The following ATF6 variants were observed in gnomAD, a reference collection of about 807,000 sequenced individuals.
The protein encoded by ATF6 is cyclic AMP-dependent transcription factor ATF-6 alpha.
A neutral mutation model predicts 83.6 loss-of-function variants in ATF6; 53 were observed. The ratio of observed to expected loss-of-function variants is 0.63; its 90% CI spans 0.51 to 0.80. ATF6 has a LOEUF of 0.80. Among genes scored for constraint, ATF6 ranks in the 30% least tolerant of loss-of-function variants. The pLI is 0.00. For synonymous variants in ATF6, 288 were observed against 285.8 expected, an observed-to-expected ratio of 1.01 and a Z score of -0.08; for missense variants, 744 against 797.9, an observed-to-expected ratio of 0.93 and a Z score of 0.81.
intron 15 of ATF6, among the ~76,000 whole-genome samples, chr1:161,930,461 C>T (rs1168812862): frequency 1.3e-5 from 2 of 152,122 alleles, no homozygotes; most frequent in Non-Finnish European, 2.9e-5. Flanking sequence ...TTGCATTTGT[C>T]ATAATGAATT....
At chr1:161,914,435 C>T (rs574432564) in intron 15 of ATF6, among the ~76,000 whole-genome samples, 2 of 152,340 alleles carry the variant, frequency 1.3e-5, no homozygotes, top group African/African-American at 4.8e-5. Flanking sequence ...ACTGACGACT[C>T]CTCCACTGCC....
intron 10 of ATF6, among the ~76,000 whole-genome samples, chr1:161,848,838 A>T (rs1476738237): frequency 6.6e-6 from 1 of 152,094 alleles, no homozygotes; most frequent in Non-Finnish European, 1.5e-5. Context: ...TTCCTGGGCT[A>T]ATGTTGGTCT....
intron 15 of ATF6, among the ~76,000 whole-genome samples, chr1:161,954,376 A>G (rs887774544): frequency 2.6e-5 from 4 of 152,136 alleles, no homozygotes; most frequent in Non-Finnish European, 5.9e-5. Context: ...TCAGGCACAT[A>G]TACAGCAGCA....
At chr1:161,829,159 C>T (rs1685979979) in intron 9 of ATF6, among the ~76,000 whole-genome samples, 1 of 146,576 alleles carries the variant, frequency 6.8e-6, no homozygotes, top group Non-Finnish European at 1.5e-5. Context: ...TACAAAGAGA[C>T]TTAGACTCCC....
At chr1:161,839,195 T>C (rs901760023) in intron 9 of ATF6, among the ~76,000 whole-genome samples, 5 of 152,154 alleles carry the variant, frequency 3.3e-5, no homozygotes, top group Admixed American at 2.0e-4. Context: ...ATACCTCTTA[T>C]GAACCAGGAA....
At chr1:161,828,950 G>A (rs1685973922) in intron 9 of ATF6, among the ~76,000 whole-genome samples, 2 of 152,140 alleles carry the variant, frequency 1.3e-5, no homozygotes, top group African/African-American at 2.4e-5. Context: ...GATCTACCAA[G>A]CAAATGGAAA....
chr1:161,869,007 T>C (rs908804685), intron 14 of ATF6, among the ~76,000 whole-genome samples: 1 of 152,100 alleles, frequency 6.6e-6, no homozygotes, highest in Non-Finnish European at 1.5e-5. Context: ...TTCTACTATT[T>C]GTACAGATTC....
intron 15 of ATF6, among the ~76,000 whole-genome samples, chr1:161,939,833 T>A (rs193078310): frequency 6.6e-6 from 1 of 152,328 alleles, no homozygotes; most frequent in East Asian, 1.9e-4. Flanking sequence ...GAAGAGAATT[T>A]AGGAAATATA....
At chr1:161,774,436 C>T (rs938010024) in intron 1 of ATF6, among the ~76,000 whole-genome samples, 6 of 147,356 alleles carry the variant, frequency 4.1e-5, no homozygotes, top group African/African-American at 7.3e-5. Flanking sequence ...CACACACACA[C>T]ATACACACAT....
intron 1 of ATF6, 55 bp from the exon 2 acceptor site, chr1:161,778,185 GTTTC>G (rs1684560775): frequency 7.6e-6 from 11 of 1,441,688 alleles, no homozygotes; most frequent in Non-Finnish European, 9.7e-6. Context: ...CACAGTGCTT[GTTTC>G]TTTGTCAAAT....
At chr1:161,835,532 TGTTTTGTATA>T (rs1253025040) in intron 9 of ATF6, among the ~76,000 whole-genome samples, 2 of 152,216 alleles carry the variant, frequency 1.3e-5, no homozygotes, top group Non-Finnish European at 2.9e-5. Flanking sequence ...TCCTATACAT[TGTTTTGTATA>T]GTTTTGTATT....
At chr1:161,832,228 A>G (rs138580510) in intron 9 of ATF6, among the ~76,000 whole-genome samples, 1 of 152,244 alleles carries the variant, frequency 6.6e-6, no homozygotes, top group Non-Finnish European at 1.5e-5. Context: ...ATCTGGAAAT[A>G]AAAATTTAAG....
At chr1:161,913,196 A>C (rs1479710261) in intron 15 of ATF6, among the ~76,000 whole-genome samples, 1 of 152,228 alleles carries the variant, frequency 6.6e-6, no homozygotes, top group Non-Finnish European at 1.5e-5. Context: ...TGTGTATCTC[A>C]CATAATGTAG....
chr1:161,912,503 G>T, intron 15 of ATF6, 123 bp downstream of exon 15: 1 of 495,266 alleles, frequency 2.0e-6, no homozygotes, highest in Non-Finnish European at 3.3e-6. Flanking sequence ...CATTATTTCT[G>T]AAACATTTTT....
At chr1:161,867,404 A>G (rs1687030946) in intron 14 of ATF6, among the ~76,000 whole-genome samples, 1 of 152,174 alleles carries the variant, frequency 6.6e-6, no homozygotes, top group Admixed American at 6.5e-5. Context: ...AATACTCAGG[A>G]AAGCTCAAAT....
Position 161,802,197 on chromosome 1 carries a change from G to A in ATF6, c.834G>A (p.Ala278=), listed in dbSNP as rs202091973. The A allele has an allele frequency of 5.0e-6, 8 of 1,614,024 alleles. No homozygotes were observed. The highest frequency in any genetic ancestry group is 1.6e-4 in the Middle Eastern group (1 of 6,062). ...TGAATGTGGTACCAGCCCCTTCAGC[G>A]AATAGCCCAGTGAATGGAAAACTTT... ...HVVNVVPAPS[A]NSPVNGKLSV... is the part of the protein sequence containing the mutation. The change falls in exon 7 of 16, where the codon GCG becomes GCA. Residue 278 remains alanine (A), a synonymous_variant. Coordinates refer to ENST00000367942, the MANE Select transcript of ATF6 (RefSeq NM_007348.4).
At chr1:161,936,782 A>T (rs1001684572) in intron 15 of ATF6, among the ~76,000 whole-genome samples, 6 of 152,170 alleles carry the variant, frequency 3.9e-5, no homozygotes, top group Non-Finnish European at 7.3e-5. Context: ...CATGTAACCA[A>T]CTGCCTGTTA....
intron 7 of ATF6, among the ~76,000 whole-genome samples, chr1:161,808,373 T>C (rs1342538550): frequency 1.3e-5 from 2 of 152,150 alleles, no homozygotes; most frequent in African/African-American, 4.8e-5. Flanking sequence ...CTGGTAGTCA[T>C]TCTTACTAGT....
intron 14 of ATF6, among the ~76,000 whole-genome samples, chr1:161,892,364 T>A (rs1233582027): frequency 2.6e-5 from 4 of 152,230 alleles, no homozygotes; most frequent in South Asian, 4.1e-4. Context: ...GGACATCTAC[T>A]TCCCTTAGAA....
Sources: allele counts gnomAD v4.1 joint callset (sites outside exome capture counted in the v4.1 genomes callset), GRCh38; gene constraint gnomAD v4.1.1; transcripts MANE v1.5; gene names NCBI Gene and HGNC (gene_info 2026-07-23, HGNC 2026-07-21).